Variants in KPNA3 observed in about 807,000 individuals in gnomAD.
The protein encoded by KPNA3 is importin subunit alpha-4.
Under a neutral mutation model 73.8 loss-of-function variants are expected in KPNA3, and 13 were observed. The observed-to-expected ratio is 0.18, with a 90% CI of 0.11 to 0.28. The LOEUF is 0.28. KPNA3 is among the 10% of genes least tolerant of loss of function. The pLI, the probability that KPNA3 is intolerant of heterozygous loss-of-function variation, is 1.00. For missense variants in KPNA3, 360 were observed against 618.1 expected (o/e 0.58, Z 4.43); for synonymous variants, 186 against 206.9 (o/e 0.90, Z 0.87).
chr13:49,743,126 A>G (rs1954588606), intron 2 of KPNA3, among the ~76,000 whole-genome samples: 2 of 152,192 alleles, frequency 1.3e-5, no homozygotes, highest in South Asian at 4.1e-4. Flanking sequence ...TGAAATATTC[A>G]AAGCAAAATC....
intron 1 of KPNA3, among the ~76,000 whole-genome samples, chr13:49,760,971 G>A (rs936137791): frequency 4.6e-5 from 7 of 152,076 alleles, no homozygotes; most frequent in South Asian, 2.1e-4. Context: ...CCATGATCAC[G>A]TTGGCAAGTG....
At chr13:49,722,361 G>C (rs540746650) in intron 8 of KPNA3, 116 bp downstream of exon 8, 1 of 717,616 alleles carries the variant, frequency 1.4e-6, no homozygotes, top group South Asian at 2.1e-5. Context: ...TACTTATGAG[G>C]CAAGAAGAGA....
intron 1 of KPNA3, among the ~76,000 whole-genome samples, chr13:49,756,150 T>C (rs1258806837): frequency 2.0e-5 from 3 of 152,208 alleles, no homozygotes; most frequent in Non-Finnish European, 2.9e-5. Context: ...GGTATATGCC[T>C]GTAGTCTCAG....
intron 6 of KPNA3, among the ~76,000 whole-genome samples, chr13:49,731,249 GTTTTTT>G (rs143641829): frequency 9.8e-6 from 1 of 102,210 alleles, no homozygotes; most frequent in African/African-American, 4.2e-5. Context: ...TAATTTTCGT[GTTTTTT>G]TTTTTTTTTT....
intron 2 of KPNA3, among the ~76,000 whole-genome samples, chr13:49,736,191 G>T (rs1488859749): frequency 1.3e-5 from 2 of 151,978 alleles, no homozygotes; most frequent in East Asian, 3.9e-4. Context: ...GCATCTAAAT[G>T]CTTTTAATGA....
chr13:49,769,442 T>C (rs1483530694), intron 1 of KPNA3, among the ~76,000 whole-genome samples: 1 of 152,188 alleles, frequency 6.6e-6, no homozygotes. Flanking sequence ...TTGTTCCCCA[T>C]GCTCCTTCCC....
chr13:49,732,309 T>C, intron 6 of KPNA3, 62 bp downstream of exon 6: 2 of 755,688 alleles, frequency 2.6e-6, no homozygotes, highest in Non-Finnish European at 4.4e-6. Context: ...ACTGGTTAAG[T>C]AATAATCCAA....
chr13:49,776,135 C>T (rs1467393212), intron 1 of KPNA3, among the ~76,000 whole-genome samples: 3 of 152,060 alleles, frequency 2.0e-5, no homozygotes, highest in Non-Finnish European at 2.9e-5. Context: ...AGGCTGGTCT[C>T]GAACTCCTGG....
At chr13:49,762,735 C>T (rs1446602470) in intron 1 of KPNA3, among the ~76,000 whole-genome samples, 4 of 151,720 alleles carry the variant, frequency 2.6e-5, no homozygotes, top group Non-Finnish European at 4.4e-5. Flanking sequence ...TGCGGTAGGC[C>T]GCAGGGTCCT....
At chr13:49,721,410 T>C (rs995791319) in intron 9 of KPNA3, among the ~76,000 whole-genome samples, 1 of 152,250 alleles carries the variant, frequency 6.6e-6, no homozygotes, top group Non-Finnish European at 1.5e-5. Flanking sequence ...TATTTTCTTT[T>C]TATGCAGATA....
At chr13:49,707,881 T>TA (rs1180389254) in intron 12 of KPNA3, among the ~76,000 whole-genome samples, 1 of 152,130 alleles carries the variant, frequency 6.6e-6, no homozygotes, top group African/African-American at 2.4e-5. Context: ...ACTATACAAA[T>TA]ATAGTTATGA....
At chr13:49,769,160 T>G (rs1214660062) in intron 1 of KPNA3, among the ~76,000 whole-genome samples, 2 of 152,218 alleles carry the variant, frequency 1.3e-5, no homozygotes, top group African/African-American at 2.4e-5. Flanking sequence ...TCTACAGTAT[T>G]GCACCATTAC....
At chr13:49,782,360 T>C (rs1954947513) in intron 1 of KPNA3, among the ~76,000 whole-genome samples, 1 of 152,208 alleles carries the variant, frequency 6.6e-6, no homozygotes, top group African/African-American at 2.4e-5. Context: ...ACCTCAAGTA[T>C]GACCTTCTGT....
intron 1 of KPNA3, among the ~76,000 whole-genome samples, chr13:49,778,463 C>G (rs1954914495): frequency 6.6e-6 from 1 of 152,218 alleles, no homozygotes; most frequent in Non-Finnish European, 1.5e-5. Context: ...CTGCCCTATT[C>G]ACGAATCATT....
rs1434877177 is a variant in KPNA3 at position 49,732,970 on chromosome 13, G to C, written c.191C>G (p.Ala64Gly). Residue 64 changes from alanine to glycine, a missense_variant, in exon 3 of 17, where the codon GCT becomes GGT. Around this residue, in one of 3 missense-constraint regions of KPNA3, gnomAD observed 287 missense variants for 549.1 expected, o/e 0.52. Coordinates refer to ENST00000261667, the MANE Select transcript of KPNA3 (RefSeq NM_002267.4). ...ATGGTAACTTACTGCTTTAAAATCA[G>C]CATCAACATCTGAATCTTCTAGACT... ...EESLEDSDVD[A>G]DFKAQNVTLE... 1 of 1,599,494 alleles carries C rather than the reference G, an allele frequency of 6.3e-7. No homozygotes were observed. The highest frequency in any genetic ancestry group is 1.1e-5 in the South Asian group (1 of 90,378).
chr13:49,709,502 TAGAAA>T, intron 12 of KPNA3, 65 bp downstream of exon 12: 1 of 1,289,218 alleles, frequency 7.8e-7, no homozygotes, highest in Non-Finnish European at 1.1e-6. Context: ...CAAGTAGCAA[TAGAAA>T]CAAGGAGACA....
intron 1 of KPNA3, among the ~76,000 whole-genome samples, chr13:49,782,390 C>G (rs976685402): frequency 6.6e-6 from 1 of 152,184 alleles, no homozygotes; most frequent in Non-Finnish European, 1.5e-5. Flanking sequence ...CTAATTTCCC[C>G]AGGTACAATC....
At chr13:49,745,201 T>G (rs1430752169) in intron 2 of KPNA3, among the ~76,000 whole-genome samples, 1 of 152,182 alleles carries the variant, frequency 6.6e-6, no homozygotes, top group African/African-American at 2.4e-5. Context: ...AACTACAGAT[T>G]TGAAGAGCTA....
chr13:49,739,047 A>G (rs1350004713), intron 2 of KPNA3, among the ~76,000 whole-genome samples: 1 of 152,078 alleles, frequency 6.6e-6, no homozygotes, highest in Admixed American at 6.5e-5. Context: ...ATATGATCAT[A>G]TTTTTCTTTT....
Sources: allele counts gnomAD v4.1 joint callset (sites outside exome capture counted in the v4.1 genomes callset), GRCh38; gene constraint gnomAD v4.1.1; regional missense constraint gnomAD v4.1.1; transcripts MANE v1.5; gene names NCBI Gene and HGNC (gene_info 2026-07-23, HGNC 2026-07-21).